PIK3C2B: variants seen among roughly 807,000 people sequenced by gnomAD.
PIK3C2B encodes the protein phosphatidylinositol 4-phosphate 3-kinase C2 domain-containing subunit beta.
PIK3C2B carries 83 observed loss-of-function variants against 184.3 expected under a neutral mutation model. That is an observed-to-expected ratio of 0.45 (90% confidence interval 0.38 to 0.54). PIK3C2B has a LOEUF of 0.54. Ranked by LOEUF, PIK3C2B falls within the 20% of genes least tolerant of loss-of-function variation. The probability of loss-of-function intolerance (pLI) is 0.00; values close to 1 mark genes in which losing one functional copy is unlikely to be tolerated. For missense variants in PIK3C2B, 1,736 were observed against 2,113.5 expected (o/e 0.82, Z 3.50); for synonymous variants, 779 against 837.6 (o/e 0.93, Z 1.21).
Position 204,448,765 on chromosome 1 carries a change from GCTC to G in PIK3C2B, c.2346+417_2346+419del, listed in dbSNP as rs1654092733. On this transcript the variant is annotated intron_variant, in intron 14 of 32. Transcript: ENST00000684373. ...GAGAAGTGCACCTTGGGCGTGACCAGCTCCTCCTCTTCTCCCTGGAGAATAGGT... is the reference window on the plus strand; with the variant it reads ...GAGAAGTGCACCTTGGGCGTGACCAGCTCCTCTTCTCCCTGGAGAATAGGT... Among the ~76,000 whole-genome samples, 5 of 152,134 alleles carry G rather than the reference GCTC, an allele frequency of 3.3e-5. No homozygotes were observed. In the South Asian group the frequency reaches 1.0e-3, roughly 32 times the overall value.
At chr1:204,488,249 GT>G (rs10715335) in intron 1 of PIK3C2B, among the ~76,000 whole-genome samples, 5,373 of 152,258 alleles carry the variant, frequency 0.035, 152 homozygotes, top group Middle Eastern at 0.068. Context: ...GTGAATAAAT[GT>G]AAGAATGAAT....
At chr1:204,465,182 A>C in intron 3 of PIK3C2B, 37 bp downstream of exon 3, 1 of 900,430 alleles carries the variant, frequency 1.1e-6, no homozygotes, top group Non-Finnish European at 1.8e-6. Flanking sequence ...CATCCCCCAT[A>C]GCCCTCCCAA....
chr1:204,464,404 C>T (rs752799091), intron 4 of PIK3C2B, 46 bp downstream of exon 4: 10 of 1,565,674 alleles, frequency 6.4e-6, no homozygotes, highest in Non-Finnish European at 8.7e-6. Flanking sequence ...TCATCCCCAC[C>T]CCACTTCAAG....
At chr1:204,479,524 G>A (rs779342999) in intron 1 of PIK3C2B, among the ~76,000 whole-genome samples, 1 of 151,968 alleles carries the variant, frequency 6.6e-6, no homozygotes, top group Non-Finnish European at 1.5e-5. Context: ...GCAACACCTA[G>A]GAAACCCTAA....
intron 1 of PIK3C2B, among the ~76,000 whole-genome samples, chr1:204,493,662 C>G (rs1658165396): frequency 6.6e-6 from 1 of 152,262 alleles, no homozygotes; most frequent in East Asian, 1.9e-4. Context: ...CTACTCCACC[C>G]CACACCAGCT....
At position 204,444,357 on chromosome 1, in the gene PIK3C2B, G is replaced by C; in HGVS notation, c.2746C>G (p.Leu916Val). 6.2e-7 allele frequency: 1 copy of C among 1,613,820 alleles called. No homozygotes were observed. Among genetic ancestry groups the C allele is most frequent in the Non-Finnish European group, 8.5e-7 (1 of 1,179,778 alleles). ...TGTACCAGCTGGGGCAGGTAGTCTA[G>C]CAGCTCAGCATCTGAGAGTGAGCCA... Reference protein sequence around the residue: ...WIGSLSDAELLDYLPQLVQAL... With the variant: ...WIGSLSDAELVDYLPQLVQAL... Residue 916 changes from leucine to valine, a missense_variant, in exon 17 of 33, where the codon CTA (leucine) becomes GTA (valine). Physicochemically the swap from Leu to Val is conservative, Grantham distance 32. This residue lies in a region of PIK3C2B where 289 missense variants were observed against 380.4 expected (regional missense o/e 0.76). Transcript: ENST00000684373.
In PIK3C2B at chr1:204,424,983, C is replaced by T. The variant is rs148228903; in HGVS notation, c.4774G>A (p.Val1592Met). 1.3e-5 allele frequency: 21 copies of T among 1,614,002 alleles called. No homozygotes were observed. The Admixed American group carries it at 1.8e-4, about 14-fold the overall frequency. The change falls in exon 33 of 33, where the codon GTG becomes ATG. Residue 1592 changes from valine to methionine, a missense_variant. Val to Met is a conservative substitution (Grantham distance 21). Coordinates refer to ENST00000684373, the MANE Select transcript of PIK3C2B (RefSeq NM_001377334.1). ...DLQQRELQLS[V>M]LSEQGFWENV... ...TCCCAGAATCCCTGCTCACTCAGCA[C>T]GCTCAGCTGGAGCTCCCGCTGCTGC... is the stretch of plus-strand genomic sequence containing the variant.
chr1:204,435,498 A>C (rs1675292698), intron 23 of PIK3C2B: 1 of 152,156 alleles, frequency 6.6e-6, no homozygotes, highest in South Asian at 2.1e-4. Flanking sequence ...GGGAAAGCTT[A>C]CTAGATATGG....
At chr1:204,467,656 G>A (rs1283833891) in intron 2 of PIK3C2B, among the ~76,000 whole-genome samples, 2 of 152,126 alleles carry the variant, frequency 1.3e-5, no homozygotes, top group East Asian at 3.9e-4. Flanking sequence ...CCAATGTGGT[G>A]AAACCCCGTC....
In PIK3C2B at chr1:204,432,324, G is replaced by A. The variant is rs139230011; in HGVS notation, c.4031C>T (p.Thr1344Met). The A allele has an allele frequency of 6.9e-5, 112 of 1,614,102 alleles. 1 individual carries two copies. The highest frequency in any genetic ancestry group is 4.9e-4 in the Middle Eastern group (3 of 6,062). ...FIHNLAQMKF[T>M]GSDDRLTLSF... ...GAGGGTCAGCCGGTCATCTGAGCCC[G>A]TGAACTTCATCTGAGCCAGATTATG... The change falls in exon 27 of 33, where the codon ACG becomes ATG. Residue 1344 changes from threonine (T) to methionine (M), a missense_variant. Physicochemically the swap from Thr to Met is moderately conservative, Grantham distance 81 (BLOSUM62 -1). Coordinates refer to ENST00000684373, the MANE Select transcript of PIK3C2B (RefSeq NM_001377334.1).
chr1:204,457,113 C>T (rs1314025163), intron 9 of PIK3C2B, 43 bp from the exon 10 acceptor site: 4 of 1,530,498 alleles, frequency 2.6e-6, no homozygotes, highest in Non-Finnish European at 3.5e-6. Context: ...AGGGCCATAG[C>T]CTTTTTCGTC....
intron 1 of PIK3C2B, among the ~76,000 whole-genome samples, chr1:204,493,639 T>C (rs949371137): frequency 1.3e-5 from 2 of 151,928 alleles, no homozygotes; most frequent in African/African-American, 4.8e-5. Flanking sequence ...GCCAAGCCCC[T>C]GGGCTCCCCA....
At position 204,438,970 on chromosome 1, in the gene PIK3C2B, G is replaced by A; in HGVS notation, c.3481C>T (p.Gln1161Ter). The change falls in exon 23 of 33, where the codon CAG (glutamine) becomes TAG (stop). Residue 1161 changes from glutamine to a stop codon, truncating the protein, a stop_gained. Coordinates refer to ENST00000684373, the MANE Select transcript of PIK3C2B (RefSeq NM_001377334.1). LOFTEE classifies it high-confidence loss of function. ...FKDRPLADWL[Q>*]KHNPGEDEYE... Reference sequence around the variant, plus strand: ...TCGTCCTCCCCAGGGTTGTGTTTCTGCAGCCAGTCTGCCAGGGGCCGGTCC... The same window carrying A: ...TCGTCCTCCCCAGGGTTGTGTTTCTACAGCCAGTCTGCCAGGGGCCGGTCC... 6.2e-7 allele frequency: 1 copy of A among 1,613,964 alleles called. No individual in the cohort carries two copies. Among genetic ancestry groups the A allele is most frequent in the Non-Finnish European group, 8.5e-7 (1 of 1,180,020 alleles).
intron 1 of PIK3C2B, among the ~76,000 whole-genome samples, chr1:204,474,554 G>A (rs1293761727): frequency 2.6e-5 from 4 of 151,922 alleles, no homozygotes; most frequent in African/African-American, 4.8e-5. Context: ...ACCCTCTCCC[G>A]CTGGCTTTCA....
intron 1 of PIK3C2B, among the ~76,000 whole-genome samples, chr1:204,472,464 G>A (rs548645490): frequency 7.6e-5 from 11 of 144,248 alleles, no homozygotes; most frequent in East Asian, 2.5e-4. Context: ...CACCCGGCCC[G>A]ACTGGGGGAA....
chr1:204,489,687 G>C (rs921501280), intron 1 of PIK3C2B: 1 of 380,168 alleles, frequency 2.6e-6, no homozygotes, highest in Non-Finnish European at 4.6e-6. Flanking sequence ...TGGCGAGTCA[G>C]GAATGGGACA....
At chr1:204,452,288 C>CTTTTTTTTTTTTTTT (rs71145086) in intron 12 of PIK3C2B, among the ~76,000 whole-genome samples, 2 of 71,050 alleles carry the variant, frequency 2.8e-5, no homozygotes, top group South Asian at 6.6e-4. Context: ...GTGCAGCACC[C>CTTTTTTTTTTTTTTT]TTTTTTTTTT....
At chr1:204,472,873 G>A (rs1401917902) in intron 1 of PIK3C2B, among the ~76,000 whole-genome samples, 1 of 152,188 alleles carries the variant, frequency 6.6e-6, no homozygotes, top group Non-Finnish European at 1.5e-5. Flanking sequence ...AAACTCCCCA[G>A]GAGATTCTAA....
intron 1 of PIK3C2B, among the ~76,000 whole-genome samples, chr1:204,474,572 A>AT (rs1366378238): frequency 6.6e-6 from 1 of 151,756 alleles, no homozygotes; most frequent in Admixed American, 6.6e-5. Context: ...TCATGAAGAT[A>AT]TTTTTTTCTT....
Sources: gnomAD v4.1 joint callset for allele counts (sites outside exome capture counted in the v4.1 genomes callset) on GRCh38, gnomAD v4.1.1 for gene constraint, gnomAD v4.1.1 regional missense constraint, MANE v1.5 for transcripts, NCBI Gene and HGNC (gene_info 2026-07-23, HGNC 2026-07-21) for gene names.